MCM9: variants seen among roughly 807,000 people sequenced by gnomAD.
MCM9 encodes DNA helicase MCM9.
In MCM9, 55 loss-of-function variants were observed where a neutral mutation model predicts 72.8. The observed-to-expected ratio is 0.76, with a 90% CI of 0.61 to 0.95. The LOEUF is 0.95. Ranked by LOEUF, MCM9 falls within the 40% of genes least tolerant of loss-of-function variation. MCM9 has a pLI of 0.00. For missense variants in MCM9, 1,279 were observed against 1,377.0 expected (o/e 0.93, Z 1.13); for synonymous variants, 480 against 503.4 (o/e 0.95, Z 0.62).
intron 8 of MCM9, among the ~76,000 whole-genome samples, chr6:118,871,895 G>C (rs1380711009): frequency 6.6e-6 from 1 of 151,950 alleles, no homozygotes; most frequent in Non-Finnish European, 1.5e-5. Flanking sequence ...GACAGAAGGA[G>C]ACTCCGTCTC....
intron 3 of MCM9, among the ~76,000 whole-genome samples, chr6:118,928,252 A>G (rs1782064637): frequency 6.6e-6 from 1 of 152,132 alleles, no homozygotes; most frequent in Admixed American, 6.5e-5. Context: ...CTCTACTAAA[A>G]ATACAAAAAT....
At chr6:118,851,929 T>C (rs1776249687) in intron 9 of MCM9, among the ~76,000 whole-genome samples, 1 of 152,212 alleles carries the variant, frequency 6.6e-6, no homozygotes, top group African/African-American at 2.4e-5. Context: ...GCAAAACTCC[T>C]TTCAATATAC....
intron 8 of MCM9, chr6:118,893,941 C>T: frequency 1.1e-6 from 1 of 903,266 alleles, no homozygotes; most frequent in Non-Finnish European, 1.3e-6. Flanking sequence ...AGCCACGCCT[C>T]CCCGCCGCGG....
At chr6:118,894,323 C>A (rs903847191) in intron 8 of MCM9, 1 of 1,514,702 alleles carries the variant, frequency 6.6e-7, no homozygotes. Flanking sequence ...GGCGCTGGAG[C>A]GGGGGTCTGC....
intron 8 of MCM9, among the ~76,000 whole-genome samples, chr6:118,899,304 TATG>T (rs1779647498): frequency 6.6e-6 from 1 of 152,206 alleles, no homozygotes; most frequent in South Asian, 2.1e-4. Context: ...CCAGAGTCCT[TATG>T]ATGGCCTTCA....
At chr6:118,868,260 A>G (rs142989568) in intron 8 of MCM9, among the ~76,000 whole-genome samples, 1 of 152,232 alleles carries the variant, frequency 6.6e-6, no homozygotes, top group Non-Finnish European at 1.5e-5. Context: ...TTATAAAAAG[A>G]CAAAGTATGA....
At chr6:118,830,336 C>T (rs1774456350) in intron 9 of MCM9, among the ~76,000 whole-genome samples, 1 of 152,218 alleles carries the variant, frequency 6.6e-6, no homozygotes, top group Admixed American at 6.5e-5. Flanking sequence ...GCAGCTACTT[C>T]ATTCCCTGAG....
intron 8 of MCM9, among the ~76,000 whole-genome samples, chr6:118,879,324 G>T (rs1234990848): frequency 6.6e-6 from 1 of 150,670 alleles, no homozygotes; most frequent in Admixed American, 6.6e-5. Flanking sequence ...GCACAAATAG[G>T]TTAAAAGTGA....
chr6:118,893,837 C>CA (rs1562426300), intron 8 of MCM9, among the ~76,000 whole-genome samples: 8 of 48,654 alleles, frequency 1.6e-4, no homozygotes, highest in Non-Finnish European at 3.5e-4. Context: ...ATCAAAAAAC[C>CA]AAAAAAACAA....
chr6:118,815,435 C>T lies in MCM9; in HGVS notation c.2821G>A (p.Val941Met), dbSNP rs1330847250. 3 of 1,550,516 alleles carry T rather than the reference C, an allele frequency of 1.9e-6. No homozygotes were observed. The highest frequency in any genetic ancestry group is 2.6e-6 in the Non-Finnish European group (3 of 1,146,938). ...LIHSFEDHSH[V>M]SPGATKIAVH... ...GCTATTTTAGTTGCACCAGGTGACA[C>T]ATGGCTGTGATCTTCAAAGGAGTGG... The change falls in exon 14 of 14, where the codon GTG becomes ATG. Residue 941 changes from valine to methionine, a missense_variant. Transcript: ENST00000619706.
intron 8 of MCM9, among the ~76,000 whole-genome samples, chr6:118,860,934 C>T (rs552483514): frequency 1.6e-4 from 25 of 152,290 alleles, no homozygotes; most frequent in Non-Finnish European, 2.9e-4. Flanking sequence ...TTGGAGGTGC[C>T]GCTGCATGAG....
At chr6:118,842,927 TTA>T (rs1188068197) in intron 9 of MCM9, among the ~76,000 whole-genome samples, 12 of 151,852 alleles carry the variant, frequency 7.9e-5, no homozygotes, top group Non-Finnish European at 2.9e-5. Context: ...TTCCCAAACT[TTA>T]AAAATGTTTC....
At position 118,829,760 on chromosome 6, in the gene MCM9, G is replaced by T. The variant is rs188098233; in HGVS notation, c.1326-510C>A. Among the ~76,000 whole-genome samples, 139 of 152,284 alleles carry T rather than the reference G, an allele frequency of 9.1e-4. 2 individuals are homozygous for T. The highest frequency in any genetic ancestry group is 5.2e-3 in the South Asian group (25 of 4,824). On this transcript the variant is annotated intron_variant, in intron 9 of 13. Coordinates refer to ENST00000619706, the MANE Select transcript of MCM9 (RefSeq NM_017696.3). Reference sequence around the variant, plus strand: ...TGGAGAAAGACAGGCATTTGCAGAGGGGGTGAGGGTAGAGAGTGAGGATGA... The same window carrying T: ...TGGAGAAAGACAGGCATTTGCAGAGTGGGTGAGGGTAGAGAGTGAGGATGA...
chr6:118,931,782 G>A, intron 2 of MCM9, 44 bp from the exon 3 acceptor site: 1 of 1,406,272 alleles, frequency 7.1e-7, no homozygotes, highest in African/African-American at 1.4e-5. Flanking sequence ...TGATACTCAA[G>A]ATGTACACAC....
At chr6:118,863,799 A>G (rs147215397) in intron 8 of MCM9, among the ~76,000 whole-genome samples, 1 of 152,316 alleles carries the variant, frequency 6.6e-6, no homozygotes, top group East Asian at 1.9e-4. Flanking sequence ...GAAGGCCTTT[A>G]CCAAATGTGC....
chr6:118,824,764 T>C (rs183246437), intron 13 of MCM9, among the ~76,000 whole-genome samples: 17 of 152,336 alleles, frequency 1.1e-4, no homozygotes, highest in African/African-American at 4.1e-4. Context: ...AAAACTCATA[T>C]GCTGGTTGGG....
chr6:118,910,715 C>T (rs1305195947), intron 8 of MCM9: 15 of 985,200 alleles, frequency 1.5e-5, no homozygotes, highest in Non-Finnish European at 1.7e-5. Context: ...GCCTAGTATC[C>T]TGAAGTTTGT....
At chr6:118,903,880 C>T (rs1423563472) in intron 8 of MCM9, among the ~76,000 whole-genome samples, 1 of 152,170 alleles carries the variant, frequency 6.6e-6, no homozygotes, top group Non-Finnish European at 1.5e-5. Context: ...AGCCACCGTG[C>T]TCAGAGCGTG....
At chr6:118,861,915 A>G (rs140485456) in intron 8 of MCM9, among the ~76,000 whole-genome samples, 11,589 of 152,082 alleles carry the variant, frequency 0.076, 677 homozygotes, top group East Asian at 0.19. Context: ...TCAACATGCC[A>G]TCCATGTTGC....
Sources: gnomAD v4.1 joint callset for allele counts (sites outside exome capture counted in the v4.1 genomes callset) on GRCh38, gnomAD v4.1.1 for gene constraint, MANE v1.5 for transcripts, NCBI Gene and HGNC (gene_info 2026-07-23, HGNC 2026-07-21) for gene names.